The following ZNRF3 variants were observed in gnomAD, a reference collection of about 807,000 sequenced individuals.
ZNRF3 encodes the protein zinc and ring finger 3.
ZNRF3 carries 23 observed loss-of-function variants against 72.5 expected under a neutral mutation model. The observed-to-expected ratio is 0.32, with a 90% CI of 0.23 to 0.45. The LOEUF (loss-of-function observed/expected upper bound fraction) is 0.45, where lower values mean the gene tolerates loss of function less well. Ranked by LOEUF, ZNRF3 falls within the 20% of genes least tolerant of loss-of-function variation. ZNRF3 has a pLI of 1.00. For missense variants in ZNRF3, 1,169 were observed against 1,272.1 expected (o/e 0.92, Z 1.23); for synonymous variants, 610 against 545.3 (o/e 1.12, Z -1.65).
Position 28,945,371 on chromosome 22 carries a change from A to G in ZNRF3, c.301-41705A>G, listed in dbSNP as rs114988133. Among the ~76,000 whole-genome samples the G allele has an allele frequency of 6.1e-3, 933 of 152,126 alleles. 12 individuals carry two copies. Among genetic ancestry groups the G allele is most frequent in the African/African-American group, 0.021 (884 of 41,506 alleles). Reference sequence around the variant, plus strand: ...TGCTCATAAGTGAAAAAAGCAGAATATTAAGCAATGTGTCATATGATCGTA... The same window carrying G: ...TGCTCATAAGTGAAAAAAGCAGAATGTTAAGCAATGTGTCATATGATCGTA... On this transcript the variant is annotated intron_variant, in intron 1 of 8. Coordinates refer to ENST00000544604, the MANE Select transcript of ZNRF3 (RefSeq NM_001206998.2).
intron 1 of ZNRF3, among the ~76,000 whole-genome samples, chr22:28,934,017 A>AGAGG (rs1324400642): frequency 1.3e-5 from 2 of 151,956 alleles, no homozygotes; most frequent in Non-Finnish European, 2.9e-5. Context: ...GAAGGAACAA[A>AGAGG]GAGGGTACTG....
At chr22:28,929,173 G>A (rs1413422426) in intron 1 of ZNRF3, among the ~76,000 whole-genome samples, 2 of 151,946 alleles carry the variant, frequency 1.3e-5, no homozygotes, top group African/African-American at 4.8e-5. Context: ...GGAAGCCAGC[G>A]GCCTTTGAGT....
intron 2 of ZNRF3, among the ~76,000 whole-genome samples, chr22:29,035,069 C>G (rs1430527502): frequency 6.7e-6 from 1 of 148,322 alleles, no homozygotes; most frequent in African/African-American, 2.5e-5. Context: ...GTCTCAAACT[C>G]CTGGCCTCAA....
chr22:28,998,780 C>T (rs115975685), intron 2 of ZNRF3, among the ~76,000 whole-genome samples: 3,853 of 152,182 alleles, frequency 0.025, 74 homozygotes, highest in African/African-American at 0.058. Flanking sequence ...ATTTGAGATC[C>T]ACTGGGAGGC....
At chr22:28,916,361 A>C (rs915207712) in intron 1 of ZNRF3, among the ~76,000 whole-genome samples, 2 of 151,158 alleles carry the variant, frequency 1.3e-5, no homozygotes, top group African/African-American at 4.9e-5. Flanking sequence ...TGCCTGGCTG[A>C]GATTTTTATT....
In ZNRF3 at chr22:29,020,759, G is replaced by GTTTTTTTT. The variant is rs762825720; in HGVS notation, c.427-21731_427-21730insTTTTTTTT. 2.6e-4 allele frequency among the ~76,000 whole-genome samples: 36 copies of GTTTTTTTT among 140,124 alleles called. 1 individual carries two copies. In the East Asian group the frequency reaches 6.9e-3, roughly 27 times the overall value. 91.9% of individuals were successfully genotyped at this position (140,124 alleles called of 152,430 possible). A position where few individuals can be genotyped will look rare whatever the true frequency, so the allele number is the denominator to read the frequency against. On this transcript the variant is annotated intron_variant, in intron 2 of 8. Transcript: ENST00000544604. ...TCCAGATTTCATTGAGAGGGGCTTT[G>GTTTTTTTT]TTTTTGTGTGTGTGTGGGTGTGTGT... is the stretch of plus-strand genomic sequence containing the variant.
chr22:28,915,328 A>G (rs1259543661), intron 1 of ZNRF3, among the ~76,000 whole-genome samples: 1 of 152,164 alleles, frequency 6.6e-6, no homozygotes, highest in African/African-American at 2.4e-5. Flanking sequence ...TTCTCTTCTT[A>G]TAAGGACACC....
intron 4 of ZNRF3, among the ~76,000 whole-genome samples, chr22:29,043,929 G>A (rs573401942): frequency 5.9e-5 from 9 of 152,300 alleles, no homozygotes; most frequent in South Asian, 2.1e-4. Context: ...TGAGTTCGAC[G>A]GCTAAATGAA....
chr22:29,009,526 AT>A (rs1386649054), intron 2 of ZNRF3, among the ~76,000 whole-genome samples: 1 of 152,178 alleles, frequency 6.6e-6, no homozygotes, highest in Non-Finnish European at 1.5e-5. Context: ...CTAGAAATAG[AT>A]TGCCATTCTG....
intron 2 of ZNRF3, among the ~76,000 whole-genome samples, chr22:29,032,182 G>A (rs773652450): frequency 6.6e-6 from 1 of 152,216 alleles, no homozygotes; most frequent in Non-Finnish European, 1.5e-5. Flanking sequence ...GCCCCCTAGT[G>A]ATAATGGGAG....
At chr22:29,017,962 G>T (rs968592482) in intron 2 of ZNRF3, 6 of 518,788 alleles carry the variant, frequency 1.2e-5, no homozygotes, top group African/African-American at 1.2e-4. Context: ...GACAGCAGTT[G>T]AGGTAACATG....
At chr22:28,927,711 C>T (rs1156653893) in intron 1 of ZNRF3, among the ~76,000 whole-genome samples, 1 of 152,240 alleles carries the variant, frequency 6.6e-6, no homozygotes, top group Admixed American at 6.5e-5. Flanking sequence ...ACTAGATTCA[C>T]AGAATAGATA....
rs2036444641 is a variant in ZNRF3, at chr22:29,016,756, G to A, written c.427-25739G>A. On this transcript the variant is annotated intron_variant, in intron 2 of 8. Transcript: ENST00000544604. ...GTTGGAGTGAGCTATGAACAGAGTA[G>A]GGCTGCTCTATCTCAGAGCATTGTT... 5.3e-5 allele frequency among the ~76,000 whole-genome samples: 8 copies of A among 152,184 alleles called. No individual in the cohort carries two copies. The South Asian group carries it at 1.7e-3, about 32-fold the overall frequency.
intron 1 of ZNRF3, among the ~76,000 whole-genome samples, chr22:28,963,308 A>G (rs1001784458): frequency 2.0e-5 from 3 of 152,178 alleles, no homozygotes; most frequent in African/African-American, 7.2e-5. Context: ...CACAGGCTAT[A>G]GCCACAGGCT....
chr22:29,006,621 C>T (rs1380551334), intron 2 of ZNRF3, among the ~76,000 whole-genome samples: 1 of 152,168 alleles, frequency 6.6e-6, no homozygotes, highest in Non-Finnish European at 1.5e-5. Context: ...GCAGAAGACA[C>T]TCTCAGTAGT....
rs547793714 is a variant in ZNRF3, at chr22:28,954,067, CTG to C, written c.301-33001_301-33000del. On this transcript the variant is annotated intron_variant, in intron 1 of 8. Coordinates refer to ENST00000544604, the MANE Select transcript of ZNRF3 (RefSeq NM_001206998.2). ...GACAGGGCCTGGCACACGGCTCACTCTGTGTGTGTTTTTTTTCATGACTTCTT... is the reference window on the plus strand; with the variant it reads ...GACAGGGCCTGGCACACGGCTCACTCTGTGTGTTTTTTTTCATGACTTCTT... 3.3e-5 allele frequency among the ~76,000 whole-genome samples: 5 copies of C among 152,288 alleles called. No individual in the cohort carries two copies. The East Asian group carries it at 7.7e-4, about 24-fold the overall frequency.
At chr22:29,026,349 C>T (rs2036637095) in intron 2 of ZNRF3, 1 of 152,162 alleles carries the variant, frequency 6.6e-6, no homozygotes, top group Non-Finnish European at 1.5e-5. Context: ...GCAGAACCGT[C>T]ACCACTTATC....
Position 28,884,003 on chromosome 22 carries a change from C to T in ZNRF3, c.237C>T (p.Thr79=), listed in dbSNP as rs1065497. The change falls in exon 1 of 9, where the codon ACC becomes ACT. Residue 79 remains threonine, a synonymous_variant. Coordinates refer to ENST00000544604, the MANE Select transcript of ZNRF3 (RefSeq NM_001206998.2). The part of the protein sequence containing the change: ...SPSGDYTTYT[T]GLTGRFSRAG... ...GCGGCGATTACACCACCTACACCACCGGCCTCACGGGCCGCTTCTCGCGGG... is the reference window on the plus strand; with the variant it reads ...GCGGCGATTACACCACCTACACCACTGGCCTCACGGGCCGCTTCTCGCGGG... The T allele has an allele frequency of 0.3, 387,171 of 1,310,830 alleles. 63,314 individuals carry two copies. Among genetic ancestry groups the T allele is most frequent in the East Asian group, 0.64 (13,574 of 21,252 alleles). The allele number at this position is 1,310,830 out of a possible 1,614,324, so 81.2% of individuals were successfully genotyped here. A position where few individuals can be genotyped will look rare whatever the true frequency, so the allele number is the denominator to read the frequency against.
intron 1 of ZNRF3, among the ~76,000 whole-genome samples, chr22:28,971,211 A>G (rs1022817938): frequency 6.6e-6 from 1 of 151,882 alleles, no homozygotes; most frequent in Non-Finnish European, 1.5e-5. Context: ...TTTTTTTTTA[A>G]TTACTGAATT....
Sources: gnomAD v4.1 joint callset for allele counts (sites outside exome capture counted in the v4.1 genomes callset) on GRCh38, gnomAD v4.1.1 for gene constraint, MANE v1.5 for transcripts, NCBI Gene and HGNC (gene_info 2026-07-23, HGNC 2026-07-21) for gene names.